The following PLSCR4 variants were observed in gnomAD, a reference collection of about 807,000 sequenced individuals.
PLSCR4 encodes the protein phospholipid scramblase 4, also known as Ca(2+)-dependent phospholipid scramblase 4.
In PLSCR4, 25 loss-of-function variants were observed where a neutral mutation model predicts 36.3. The observed-to-expected ratio is 0.69, with a 90% CI of 0.50 to 0.96. The LOEUF (loss-of-function observed/expected upper bound fraction) is 0.96. Among genes scored for constraint, PLSCR4 ranks in the 40% least tolerant of loss-of-function variants. The probability of loss-of-function intolerance (pLI) is 0.00; values close to 1 mark genes in which losing one functional copy is unlikely to be tolerated. For synonymous variants in PLSCR4, 122 were observed against 132.9 expected, an observed-to-expected ratio of 0.92 and a Z score of 0.56; for missense variants, 408 against 414.7, an observed-to-expected ratio of 0.98 and a Z score of 0.14.
At chr3:146,210,644 G>T (rs1344429391) in intron 3 of PLSCR4, among the ~76,000 whole-genome samples, 1 of 151,898 alleles carries the variant, frequency 6.6e-6, no homozygotes, top group Non-Finnish European at 1.5e-5. Context: ...CAATGTAGTG[G>T]TTTTAAGTAT....
intron 1 of PLSCR4, chr3:146,223,867 AAT>A (rs1170471007): frequency 8.0e-6 from 1 of 124,556 alleles, no homozygotes; most frequent in South Asian, 2.3e-4. Flanking sequence ...ATATATATTT[AAT>A]ATATATTATA....
chr3:146,203,304 C>G (rs1200833162), intron 4 of PLSCR4, among the ~76,000 whole-genome samples: 1 of 151,974 alleles, frequency 6.6e-6, no homozygotes, highest in Admixed American at 6.6e-5. Context: ...CATTAATCTC[C>G]TTATACGTCT....
At chr3:146,199,789 T>C (rs2033946019) in intron 6 of PLSCR4, 24 bp downstream of exon 6, 1 of 1,563,630 alleles carries the variant, frequency 6.4e-7, no homozygotes. Context: ...AAGCAAGCTG[T>C]GGATCAGACT....
chr3:146,240,915 G>A (rs1218254346), intron 1 of PLSCR4, among the ~76,000 whole-genome samples: 2 of 152,088 alleles, frequency 1.3e-5, no homozygotes, highest in Non-Finnish European at 2.9e-5. Flanking sequence ...ACACATAATA[G>A]CCAACAAATA....
chr3:146,247,290 A>G (rs2036376518), intron 1 of PLSCR4, among the ~76,000 whole-genome samples: 1 of 152,176 alleles, frequency 6.6e-6, no homozygotes, highest in South Asian at 2.1e-4. Context: ...TAAAGATACT[A>G]TCAAACTGCA....
chr3:146,222,106 AAT>A lies in PLSCR4; in HGVS notation c.-21-16_-21-15del. 1 of 1,034,542 alleles carries A rather than the reference AAT, an allele frequency of 9.7e-7. No individual in the cohort carries two copies. Among genetic ancestry groups the A allele is most frequent in the Non-Finnish European group, 1.4e-6 (1 of 735,060 alleles). The allele number at this position is 1,034,542 out of a possible 1,614,324, so 64.1% of individuals were successfully genotyped here. On this transcript the variant is annotated splice_polypyrimidine_tract_variant and intron_variant, in intron 1 of 8. Transcript: ENST00000354952. ...TTCCAATTAATCCTGAAAAATAAAA[AAT>A]GTTAATGCCTTTAAAATACATACAT...
intron 3 of PLSCR4, 60 bp from the exon 4 acceptor site, chr3:146,206,821 T>A (rs2034359214): frequency 9.7e-7 from 1 of 1,031,294 alleles, no homozygotes; most frequent in African/African-American, 1.6e-5. Flanking sequence ...GCATAACTTT[T>A]TACATGCGAT....
intron 1 of PLSCR4, among the ~76,000 whole-genome samples, chr3:146,232,494 T>C (rs1276652393): frequency 6.6e-6 from 1 of 152,212 alleles, no homozygotes; most frequent in East Asian, 1.9e-4. Context: ...TCTCCATGTT[T>C]TTATGTTATC....
At chr3:146,220,373 C>T (rs572363373) in intron 3 of PLSCR4, among the ~76,000 whole-genome samples, 1 of 152,298 alleles carries the variant, frequency 6.6e-6, no homozygotes, top group African/African-American at 2.4e-5. Flanking sequence ...GTGTCTCATG[C>T]ATGCCTCATA....
intron 1 of PLSCR4, among the ~76,000 whole-genome samples, chr3:146,228,029 C>G (rs142876745): frequency 2.7e-3 from 412 of 152,274 alleles, no homozygotes; most frequent in Non-Finnish European, 4.9e-3. Context: ...AGAGTGGGTT[C>G]AAATCTCAGA....
intron 4 of PLSCR4, among the ~76,000 whole-genome samples, chr3:146,202,286 C>G (rs1055247828): frequency 6.6e-6 from 1 of 151,926 alleles, no homozygotes; most frequent in Non-Finnish European, 1.5e-5. Context: ...TCTGAAGATA[C>G]TACAAGTTTG....
intron 1 of PLSCR4, among the ~76,000 whole-genome samples, chr3:146,226,787 T>C (rs2035496769): frequency 1.3e-5 from 2 of 152,124 alleles, no homozygotes; most frequent in South Asian, 2.1e-4. Context: ...ATTCAAGTAA[T>C]TGAATGATAA....
At chr3:146,201,135 G>A in intron 4 of PLSCR4, 58 bp from the exon 5 acceptor site, 2 of 1,043,994 alleles carry the variant, frequency 1.9e-6, no homozygotes, top group Non-Finnish European at 2.8e-6. Context: ...AAATACCACT[G>A]TAAAATAAAC....
At chr3:146,219,532 T>G (rs932622464) in intron 3 of PLSCR4, among the ~76,000 whole-genome samples, 4 of 152,016 alleles carry the variant, frequency 2.6e-5, no homozygotes, top group Non-Finnish European at 5.9e-5. Flanking sequence ...ACATACACAT[T>G]AGGAAGAGAA....
chr3:146,236,027 G>T (rs1326812141), intron 1 of PLSCR4, among the ~76,000 whole-genome samples: 2 of 152,036 alleles, frequency 1.3e-5, no homozygotes, highest in African/African-American at 4.8e-5. Flanking sequence ...CCTAAAACTG[G>T]AACTTATATT....
At chr3:146,239,577 A>G (rs1419061570) in intron 1 of PLSCR4, among the ~76,000 whole-genome samples, 1 of 152,066 alleles carries the variant, frequency 6.6e-6, no homozygotes, top group Non-Finnish European at 1.5e-5. Context: ...ATAATTAATC[A>G]AAGTATATTA....
intron 1 of PLSCR4, among the ~76,000 whole-genome samples, chr3:146,225,801 G>A (rs917907746): frequency 3.9e-5 from 6 of 152,148 alleles, no homozygotes; most frequent in African/African-American, 1.2e-4. Context: ...TGCCGCTGGC[G>A]CCTCTCCCTC....
chr3:146,240,518 T>C (rs1177767004), intron 1 of PLSCR4, among the ~76,000 whole-genome samples: 1 of 152,100 alleles, frequency 6.6e-6, no homozygotes, highest in African/African-American at 2.4e-5. Flanking sequence ...TGTGGGAGGA[T>C]TTCTTGAGAC....
intron 1 of PLSCR4, among the ~76,000 whole-genome samples, chr3:146,229,339 G>T (rs900315620): frequency 6.6e-6 from 1 of 152,038 alleles, no homozygotes. Flanking sequence ...ACCTCCAGGG[G>T]GGTGGGGGCC....
Sources: allele counts gnomAD v4.1 joint callset (sites outside exome capture counted in the v4.1 genomes callset), GRCh38; gene constraint gnomAD v4.1.1; transcripts MANE v1.5; gene names NCBI Gene and HGNC (gene_info 2026-07-23, HGNC 2026-07-21).